The following SREK1IP1 variants were observed in gnomAD, a reference collection of about 807,000 sequenced individuals.
SREK1IP1 encodes protein SREK1IP1.
Under a neutral mutation model 22.8 loss-of-function variants are expected in SREK1IP1, and 12 were observed. The ratio of observed to expected loss-of-function variants is 0.53; its 90% CI spans 0.34 to 0.85. The LOEUF (loss-of-function observed/expected upper bound fraction) is 0.85, where lower values mean the gene tolerates loss of function less well. Ranked by LOEUF, SREK1IP1 falls within the 40% of genes least tolerant of loss-of-function variation. The probability of loss-of-function intolerance (pLI) is 0.02; values close to 1 mark genes in which losing one functional copy is unlikely to be tolerated. For synonymous variants in SREK1IP1, 53 were observed against 52.7 expected (o/e 1.01, Z -0.02); for missense variants, 147 against 171.8 (o/e 0.86, Z 0.81).
At chr5:64,730,907 T>A (rs1742366858) in intron 3 of SREK1IP1, among the ~76,000 whole-genome samples, 1 of 151,826 alleles carries the variant, frequency 6.6e-6, no homozygotes, top group South Asian at 2.1e-4. Flanking sequence ...AAGAAAGGAG[T>A]AAGGCAGTTA....
chr5:64,740,677 T>A (rs1742538066), intron 3 of SREK1IP1, among the ~76,000 whole-genome samples: 1 of 152,164 alleles, frequency 6.6e-6, no homozygotes, highest in East Asian at 1.9e-4. Context: ...CATTTTGTGT[T>A]ATCCCACAAG....
chr5:64,754,439 C>G (rs1394676642), intron 1 of SREK1IP1, 77 bp from the exon 2 acceptor site: 8 of 1,387,302 alleles, frequency 5.8e-6, no homozygotes, highest in Non-Finnish European at 8.1e-6. Context: ...ATGAAAAAAG[C>G]TAAGAAAAAC....
chr5:64,743,057 T>C (rs527260262), intron 2 of SREK1IP1, among the ~76,000 whole-genome samples: 2 of 152,326 alleles, frequency 1.3e-5, no homozygotes, highest in African/African-American at 4.8e-5. Flanking sequence ...TATTAGTTCT[T>C]TGGTATTTGA....
intron 1 of SREK1IP1, among the ~76,000 whole-genome samples, chr5:64,755,353 T>C (rs1351341214): frequency 6.6e-6 from 1 of 152,118 alleles, no homozygotes; most frequent in Non-Finnish European, 1.5e-5. Context: ...GCACTACATA[T>C]ACACTATGGA....
intron 1 of SREK1IP1, among the ~76,000 whole-genome samples, chr5:64,757,640 G>C (rs1033565475): frequency 6.6e-6 from 1 of 152,068 alleles, no homozygotes; most frequent in Admixed American, 6.5e-5. Flanking sequence ...CGCAAATGTT[G>C]TGAACATCCA....
chr5:64,758,251 C>T (rs1038207689), intron 1 of SREK1IP1, among the ~76,000 whole-genome samples: 5 of 152,146 alleles, frequency 3.3e-5, no homozygotes, highest in Non-Finnish European at 7.3e-5. Context: ...AAACTGCAAC[C>T]TCTGCCTCCC....
Position 64,720,140 on chromosome 5 carries a change from T to C in SREK1IP1, c.*4244A>G, listed in dbSNP as rs897374741. 4 of 152,216 alleles carry C rather than the reference T, an allele frequency of 2.6e-5. No homozygotes were observed. Among genetic ancestry groups the C allele is most frequent in the African/African-American group, 9.7e-5 (4 of 41,448 alleles). The allele number at this position is 152,216 out of a possible 1,614,324, so 9.4% of individuals were successfully genotyped here. On this transcript the variant is annotated 3_prime_UTR_variant, in exon 5 of 5. Coordinates refer to ENST00000513458, the MANE Select transcript of SREK1IP1 (RefSeq NM_173829.4). ...TTTGTACACTGAAAAATATTCTAAA[T>C]GGTTTATTCGGACCTAACAAATATT...
intron 3 of SREK1IP1, among the ~76,000 whole-genome samples, chr5:64,736,120 T>C (rs892666371): frequency 6.6e-6 from 1 of 152,204 alleles, no homozygotes. Flanking sequence ...AATAGACTAT[T>C]TACAATTACA....
At chr5:64,733,253 C>T (rs1742407845) in intron 3 of SREK1IP1, among the ~76,000 whole-genome samples, 1 of 151,980 alleles carries the variant, frequency 6.6e-6, no homozygotes, top group African/African-American at 2.4e-5. Flanking sequence ...AAGACAAATG[C>T]CATACTGGGA....
intron 4 of SREK1IP1, among the ~76,000 whole-genome samples, chr5:64,726,136 G>T (rs1041696246): frequency 3.3e-4 from 50 of 151,864 alleles, no homozygotes; most frequent in African/African-American, 1.2e-3. Flanking sequence ...CTCCCAAAGT[G>T]CTGGGATTAT....
In SREK1IP1 at chr5:64,766,027, G is replaced by A. The variant is rs1346467391; in HGVS notation, c.13+2478C>T. Among the ~76,000 whole-genome samples, 3 of 152,080 alleles carry A rather than the reference G, an allele frequency of 2.0e-5. No individual in the cohort carries two copies. In the South Asian group the frequency reaches 6.2e-4, roughly 31 times the overall value. ...AATCTACTGTGTAGGTTTATCTTTCGCTGCTGGCCTCTTAGATGTTGACCA... is the reference window on the plus strand; with the variant it reads ...AATCTACTGTGTAGGTTTATCTTTCACTGCTGGCCTCTTAGATGTTGACCA... On this transcript the variant is annotated intron_variant, in intron 1 of 4. Transcript: ENST00000513458.
At chr5:64,768,136 G>A (rs1362352485) in intron 1 of SREK1IP1, among the ~76,000 whole-genome samples, 1 of 151,984 alleles carries the variant, frequency 6.6e-6, no homozygotes, top group Non-Finnish European at 1.5e-5. Flanking sequence ...CGGTTACCTG[G>A]GTCGGCCAAG....
chr5:64,750,644 T>C (rs946911972), intron 2 of SREK1IP1, among the ~76,000 whole-genome samples: 1 of 152,158 alleles, frequency 6.6e-6, no homozygotes. Context: ...CACTGTCCTG[T>C]CCTACTCAAA....
intron 2 of SREK1IP1, among the ~76,000 whole-genome samples, chr5:64,753,946 A>T (rs999024326): frequency 3.9e-5 from 6 of 152,200 alleles, no homozygotes; most frequent in African/African-American, 1.2e-4. Flanking sequence ...AACACAAAAA[A>T]TCTTCATAAA....
At chr5:64,764,589 G>C (rs898406550) in intron 1 of SREK1IP1, among the ~76,000 whole-genome samples, 26 of 152,132 alleles carry the variant, frequency 1.7e-4, no homozygotes, top group Non-Finnish European at 1.5e-5. Context: ...GAGAGAGATG[G>C]GGAGACTTGG....
intron 4 of SREK1IP1, chr5:64,727,553 A>ATATATATATATATATTTTTTTTTT: frequency 1.2e-4 from 10 of 84,670 alleles, no homozygotes; most frequent in African/African-American, 4.9e-4. Flanking sequence ...ATATATATAT[A>ATATATATATATATATTTTTTTTTT]TTTTTTTTTT....
intron 4 of SREK1IP1, 196 bp downstream of exon 4, chr5:64,727,908 CAAG>C: frequency 2.4e-6 from 1 of 409,068 alleles, no homozygotes. Context: ...GGTAATATTA[CAAG>C]AATACAAATA....
intron 1 of SREK1IP1, among the ~76,000 whole-genome samples, chr5:64,766,233 T>C (rs1027773034): frequency 6.6e-6 from 1 of 152,226 alleles, no homozygotes; most frequent in African/African-American, 2.4e-5. Context: ...TTCCTATGTC[T>C]GACTAACCTC....
intron 1 of SREK1IP1, among the ~76,000 whole-genome samples, chr5:64,762,081 A>G (rs180776167): frequency 2.6e-5 from 4 of 152,372 alleles, no homozygotes; most frequent in East Asian, 1.9e-4. Context: ...TACATCACCT[A>G]TCTTTCCAAA....
Sources: allele counts gnomAD v4.1 joint callset (sites outside exome capture counted in the v4.1 genomes callset), GRCh38; gene constraint gnomAD v4.1.1; transcripts MANE v1.5; gene names NCBI Gene and HGNC (gene_info 2026-07-23, HGNC 2026-07-21).